Variants in TMTC2 observed in about 807,000 individuals in gnomAD.
TMTC2 encodes the protein protein O-mannosyl-transferase TMTC2.
Under a neutral mutation model 82.4 loss-of-function variants are expected in TMTC2, and 43 were observed. That is an observed-to-expected ratio of 0.52 (90% confidence interval 0.41 to 0.67). The LOEUF (loss-of-function observed/expected upper bound fraction) is 0.67, where lower values mean the gene tolerates loss of function less well. Ranked by LOEUF, TMTC2 falls within the 30% of genes least tolerant of loss-of-function variation. TMTC2 has a pLI of 0.00. For missense variants in TMTC2, 919 were observed against 1,012.4 expected (o/e 0.91, Z 1.25); for synonymous variants, 408 against 381.9 (o/e 1.07, Z -0.80).
chr12:82,865,517 C>G (rs1294932293), intron 2 of TMTC2, among the ~76,000 whole-genome samples: 1 of 152,132 alleles, frequency 6.6e-6, no homozygotes, highest in African/African-American at 2.4e-5. Context: ...AAAGCAAGTC[C>G]TTAGAGACCT....
intron 1 of TMTC2, among the ~76,000 whole-genome samples, chr12:82,778,735 G>A (rs1052392666): frequency 8.1e-5 from 12 of 149,050 alleles, no homozygotes; most frequent in African/African-American, 2.9e-4. Context: ...TGTAGTCCCA[G>A]CTACTTGGGA....
intron 1 of TMTC2, among the ~76,000 whole-genome samples, chr12:82,701,039 A>G (rs922530112): frequency 2.0e-5 from 3 of 152,112 alleles, no homozygotes; most frequent in East Asian, 3.9e-4. Flanking sequence ...CCATGATTCA[A>G]TTACTTCCCA....
At chr12:82,931,963 G>T (rs192877458) in intron 4 of TMTC2, among the ~76,000 whole-genome samples, 186 of 152,194 alleles carry the variant, frequency 1.2e-3, no homozygotes, top group Middle Eastern at 0.01. Flanking sequence ...TGGAATGGAG[G>T]CAAAACAGTT....
intron 1 of TMTC2, among the ~76,000 whole-genome samples, chr12:82,719,085 A>ATATATATTTTTT (rs1282211374): frequency 2.4e-5 from 1 of 41,414 alleles, no homozygotes; most frequent in African/African-American, 1.2e-4. Context: ...ATATATATAT[A>ATATATATTTTTT]TTTTTTTTTT....
intron 11 of TMTC2, among the ~76,000 whole-genome samples, chr12:83,105,384 C>A (rs1315974916): frequency 6.6e-6 from 1 of 152,172 alleles, no homozygotes; most frequent in Non-Finnish European, 1.5e-5. Flanking sequence ...ATACCTGAGA[C>A]TGGCTAATTC....
intron 11 of TMTC2, among the ~76,000 whole-genome samples, chr12:83,062,526 C>T (rs936299831): frequency 1.3e-5 from 2 of 151,772 alleles, no homozygotes; most frequent in African/African-American, 4.8e-5. Flanking sequence ...ATCTTCTACC[C>T]TGTTCTTCAC....
chr12:83,089,584 T>G (rs1883772793), intron 11 of TMTC2, among the ~76,000 whole-genome samples: 1 of 152,148 alleles, frequency 6.6e-6, no homozygotes, highest in South Asian at 2.1e-4. Context: ...CAAATAGTAA[T>G]AGGCTGCTCT....
chr12:82,972,166 C>G (rs997750243), intron 7 of TMTC2, among the ~76,000 whole-genome samples: 2 of 152,030 alleles, frequency 1.3e-5, no homozygotes, highest in African/African-American at 4.8e-5. Flanking sequence ...GAGCAATATG[C>G]ATTTATCTTA....
At chr12:83,131,724 T>C (rs1198777741) in intron 11 of TMTC2, among the ~76,000 whole-genome samples, 1 of 152,188 alleles carries the variant, frequency 6.6e-6, no homozygotes, top group African/African-American at 2.4e-5. Flanking sequence ...ATCCGTAAAA[T>C]TTCATAGTTT....
At chr12:82,881,318 A>C (rs1872814594) in intron 2 of TMTC2, among the ~76,000 whole-genome samples, 1 of 152,236 alleles carries the variant, frequency 6.6e-6, no homozygotes, top group African/African-American at 2.4e-5. Context: ...TTTCTGTTTC[A>C]AAATCTTACC....
intron 1 of TMTC2, among the ~76,000 whole-genome samples, chr12:82,689,659 GACCTTGT>G (rs149247901): frequency 0.098 from 14,923 of 152,150 alleles, 942 homozygotes; most frequent in East Asian, 0.23. Context: ...GTTAGGACTG[GACCTTGT>G]AACTTGGAAG....
At chr12:82,866,977 CA>C (rs1190141671) in intron 2 of TMTC2, among the ~76,000 whole-genome samples, 1 of 152,152 alleles carries the variant, frequency 6.6e-6, no homozygotes, top group Non-Finnish European at 1.5e-5. Context: ...TTATTTTAAA[CA>C]ATCAGATTTT....
intron 7 of TMTC2, among the ~76,000 whole-genome samples, chr12:82,977,574 A>G (rs1003904564): frequency 1.3e-5 from 2 of 151,858 alleles, no homozygotes; most frequent in Non-Finnish European, 3.0e-5. Flanking sequence ...CTCATACCAC[A>G]TAGCAAAGTA....
chr12:82,845,225 TCAA>T (rs1870577347), intron 1 of TMTC2, among the ~76,000 whole-genome samples: 2 of 12,424 alleles, frequency 1.6e-4, no homozygotes, highest in African/African-American at 7.2e-4. Flanking sequence ...CGTGACTGTC[TCAA>T]AAAAAAAAAA....
intron 1 of TMTC2, among the ~76,000 whole-genome samples, chr12:82,732,031 T>C (rs1275858398): frequency 3.3e-5 from 5 of 152,030 alleles, no homozygotes; most frequent in African/African-American, 1.2e-4. Flanking sequence ...GTCAGGAGAG[T>C]GATGGGAATT....
chr12:83,002,158 A>T (rs947500789), intron 8 of TMTC2, among the ~76,000 whole-genome samples: 1 of 152,294 alleles, frequency 6.6e-6, no homozygotes, highest in African/African-American at 2.4e-5. Context: ...TTCAAAACTC[A>T]TTATTGATCT....
chr12:82,862,776 T>G (rs1023982365), intron 2 of TMTC2, among the ~76,000 whole-genome samples: 1 of 152,220 alleles, frequency 6.6e-6, no homozygotes, highest in African/African-American at 2.4e-5. Context: ...TCTTATGTGT[T>G]GCTTAACTTG....
intron 1 of TMTC2, among the ~76,000 whole-genome samples, chr12:82,818,775 G>T (rs1373138463): frequency 6.6e-6 from 1 of 152,052 alleles, no homozygotes; most frequent in Non-Finnish European, 1.5e-5. Context: ...CATGGGGCTT[G>T]TTCTGGAAAC....
chr12:82,772,780 T>C (rs1877378406), intron 1 of TMTC2, among the ~76,000 whole-genome samples: 1 of 152,144 alleles, frequency 6.6e-6, no homozygotes, highest in Non-Finnish European at 1.5e-5. Context: ...CCCAAGAAAA[T>C]TCTGTAATTT....
Sources: gnomAD v4.1 joint callset for allele counts (sites outside exome capture counted in the v4.1 genomes callset) on GRCh38, gnomAD v4.1.1 for gene constraint, MANE v1.5 for transcripts, NCBI Gene and HGNC (gene_info 2026-07-23, HGNC 2026-07-21) for gene names.